The following PCDHA1 variants were observed in gnomAD, a reference collection of about 807,000 sequenced individuals.
PCDHA1 encodes the protein protocadherin alpha 1, also known as protocadherin alpha-1.
A neutral mutation model predicts 61.3 loss-of-function variants in PCDHA1; 42 were observed. That is an observed-to-expected ratio of 0.69 (90% CI 0.54 to 0.89). The LOEUF is 0.89. PCDHA1 is among the 40% of genes least tolerant of loss of function. The pLI, the probability that PCDHA1 is intolerant of heterozygous loss-of-function variation, is 0.00. For missense variants in PCDHA1, 1,256 were observed against 1,235.3 expected, an observed-to-expected ratio of 1.02 and a Z score of -0.25; for synonymous variants, 610 against 553.8, an observed-to-expected ratio of 1.10 and a Z score of -1.43.
At chr5:140,961,108 C>T (rs1027018505) in intron 1 of PCDHA1, among the ~76,000 whole-genome samples, 1 of 152,174 alleles carries the variant, frequency 6.6e-6, no homozygotes, top group Non-Finnish European at 1.5e-5. Flanking sequence ...CACCCAACCC[C>T]CTTGCATCTT....
intron 1 of PCDHA1, chr5:140,871,154 G>T (rs781880372): frequency 2.5e-5 from 41 of 1,613,308 alleles, no homozygotes; most frequent in Non-Finnish European, 3.5e-5. Flanking sequence ...ACTTTGGCGG[G>T]CGCCGCGAGC....
Position 140,917,790 on chromosome 5 carries a change from A to G in PCDHA1, c.2395-61159A>G, listed in dbSNP as rs540599117. The stretch of plus-strand genomic sequence containing the variant: ...GTATTAGTACCATGTTGTTTTGGTT[A>G]CTGTAGCCTTGCAGTATAGTTGAAG... On this transcript the variant is annotated intron_variant, in intron 1 of 3. Coordinates refer to ENST00000504120, the MANE Select transcript of PCDHA1 (RefSeq NM_018900.4). Among the ~76,000 whole-genome samples the G allele has an allele frequency of 4.6e-5, 7 of 152,046 alleles. No homozygotes were observed. In the East Asian group the frequency reaches 1.2e-3, roughly 25 times the overall value.
intron 1 of PCDHA1, chr5:140,813,742 T>A (rs1554126321): frequency 6.6e-6 from 1 of 152,378 alleles, no homozygotes; most frequent in Non-Finnish European, 1.5e-5. Flanking sequence ...ATGCCTGTAA[T>A]CCCAGCACTT....
At chr5:140,877,159 C>G in intron 1 of PCDHA1, 2 of 1,613,818 alleles carry the variant, frequency 1.2e-6, no homozygotes, top group Non-Finnish European at 1.7e-6. Flanking sequence ...CGACAACGCG[C>G]CGGCACTGCT....
chr5:140,822,336 A>G, intron 1 of PCDHA1: 1 of 1,614,204 alleles, frequency 6.2e-7, no homozygotes, highest in Non-Finnish European at 8.5e-7. Context: ...ATGAAGAAGA[A>G]ACGAACTTTT....
intron 1 of PCDHA1, chr5:140,877,122 G>C: frequency 2.5e-6 from 4 of 1,613,718 alleles, no homozygotes; most frequent in Non-Finnish European, 3.4e-6. Context: ...GCAACGTGAC[G>C]CTGCAGGTGT....
rs1316555766 is a variant in PCDHA1, at chr5:141,011,101, T to C, written c.*1164T>C. 1.3e-5 allele frequency: 2 copies of C among 153,710 alleles called. No homozygotes were observed. The highest frequency in any genetic ancestry group is 2.9e-5 in the Non-Finnish European group (2 of 68,016). The allele number at this position is 153,710 out of a possible 1,614,324, so 9.5% of individuals were successfully genotyped here. A position where few individuals can be genotyped will look rare whatever the true frequency, so the allele number is the denominator to read the frequency against. On this transcript the variant is annotated 3_prime_UTR_variant, in exon 4 of 4. Coordinates refer to ENST00000504120, the MANE Select transcript of PCDHA1 (RefSeq NM_018900.4). ...AATGATCTCTCTTTCTCTCTCTCTC[T>C]CTCTTTTCTAAGAAACAATTATGTG...
intron 1 of PCDHA1, chr5:140,842,359 C>G: frequency 6.2e-7 from 1 of 1,606,650 alleles, no homozygotes; most frequent in Non-Finnish European, 8.5e-7. Context: ...AAAATGATAA[C>G]GTCCCTGAGA....
chr5:140,995,581 G>A (rs1268400169), intron 3 of PCDHA1, among the ~76,000 whole-genome samples: 6 of 152,292 alleles, frequency 3.9e-5, no homozygotes, highest in Admixed American at 2.0e-4. Context: ...TGAGCTATGA[G>A]CTTTTAACTT....
chr5:140,996,803 G>A (rs2097746425), intron 3 of PCDHA1, among the ~76,000 whole-genome samples: 1 of 152,224 alleles, frequency 6.6e-6, no homozygotes, highest in African/African-American at 2.4e-5. Flanking sequence ...ATCCAATCAT[G>A]CTTTCCAAAA....
intron 1 of PCDHA1, chr5:140,834,165 C>T: frequency 1.8e-6 from 1 of 543,158 alleles, no homozygotes; most frequent in Non-Finnish European, 3.2e-6. Flanking sequence ...GTAATTCTTA[C>T]TTACATGATG....
At position 140,859,135 on chromosome 5, in the gene PCDHA1, A is replaced by G. The variant is rs571097776; in HGVS notation, c.2394+70451A>G. On this transcript the variant is annotated intron_variant, in intron 1 of 3. Coordinates refer to ENST00000504120, the MANE Select transcript of PCDHA1 (RefSeq NM_018900.4). Reference sequence around the variant, plus strand: ...AAATGTATGTTTCTTTTATTTACATAATTTTATCCAGTAGCTCTTCATTAT... The same window carrying G: ...AAATGTATGTTTCTTTTATTTACATGATTTTATCCAGTAGCTCTTCATTAT... The G allele has an allele frequency of 4.0e-5, 6 of 150,216 alleles. No homozygotes were observed. In the East Asian group the frequency reaches 1.2e-3, roughly 29 times the overall value. 9.3% of individuals were successfully genotyped at this position (150,216 alleles called of 1,614,324 possible). A position where few individuals can be genotyped will look rare whatever the true frequency, so the allele number is the denominator to read the frequency against.
chr5:140,888,239 C>G (rs1361679058), intron 1 of PCDHA1, among the ~76,000 whole-genome samples: 3 of 151,992 alleles, frequency 2.0e-5, no homozygotes, highest in Non-Finnish European at 4.4e-5. Flanking sequence ...TGTGCGTGTT[C>G]CTTTAAAGCA....
intron 1 of PCDHA1, chr5:140,803,228 G>T (rs781909871): frequency 6.2e-7 from 1 of 1,613,858 alleles, no homozygotes; most frequent in Non-Finnish European, 8.5e-7. Context: ...AGGCACCCAA[G>T]GCCTCGTCCC....
chr5:140,852,052 A>G, intron 1 of PCDHA1: 1 of 915,096 alleles, frequency 1.1e-6, no homozygotes, highest in Non-Finnish European at 1.3e-6. Flanking sequence ...TATGTGGTTT[A>G]TATTTTTCTT....
chr5:140,930,494 A>T (rs1238249815), intron 1 of PCDHA1: 3 of 152,500 alleles, frequency 2.0e-5, no homozygotes, highest in Admixed American at 6.6e-5. Flanking sequence ...AAGTGCTGGG[A>T]TTACAGGCAT....
intron 1 of PCDHA1, chr5:140,927,462 A>C (rs782679625): frequency 6.2e-7 from 1 of 1,614,138 alleles, no homozygotes; most frequent in East Asian, 2.2e-5. Flanking sequence ...TGGAGAAAGC[A>C]CTGGATCGCG....
intron 1 of PCDHA1, chr5:140,836,400 G>C (rs2150259839): frequency 6.2e-7 from 1 of 1,613,760 alleles, no homozygotes; most frequent in African/African-American, 1.3e-5. Context: ...GGTGGAAAGC[G>C]GCCAGGCACC....
chr5:140,978,661 T>A (rs1035787381), intron 1 of PCDHA1, among the ~76,000 whole-genome samples: 15 of 152,246 alleles, frequency 9.9e-5, no homozygotes, highest in Admixed American at 9.8e-4. Context: ...CCGTAGTGTT[T>A]TAAGAACACA....
Sources: allele counts gnomAD v4.1 joint callset (sites outside exome capture counted in the v4.1 genomes callset), GRCh38; gene constraint gnomAD v4.1.1; transcripts MANE v1.5; gene names NCBI Gene and HGNC (gene_info 2026-07-23, HGNC 2026-07-21).